Variants in SGCD observed in about 807,000 individuals in gnomAD.
SGCD encodes delta-sarcoglycan.
A neutral mutation model predicts 36.6 loss-of-function variants in SGCD; 18 were observed. The ratio of observed to expected loss-of-function variants is 0.49; its 90% CI spans 0.34 to 0.73. The LOEUF (loss-of-function observed/expected upper bound fraction) is 0.73. SGCD is among the 30% of genes least tolerant of loss of function. The pLI, the probability that SGCD is intolerant of heterozygous loss-of-function variation, is 0.01. For missense variants in SGCD, 387 were observed against 346.7 expected, an observed-to-expected ratio of 1.12 and a Z score of -0.92; for synonymous variants, 133 against 130.6, an observed-to-expected ratio of 1.02 and a Z score of -0.12.
chr5:155,863,689 A>G, the SGCD span, among the ~76,000 whole-genome samples: 20 of 151,468 alleles, frequency 1.3e-4, no homozygotes, highest in South Asian at 3.8e-3. Flanking sequence ...TGTACTCTCC[A>G]TGGGAGATTT....
intron 1 of SGCD, among the ~76,000 whole-genome samples, chr5:156,010,561 C>A (rs1022113179): frequency 2.6e-5 from 4 of 152,130 alleles, no homozygotes; most frequent in African/African-American, 9.7e-5. Context: ...ATTACAGTAT[C>A]TAGTCGACTG....
At chr5:155,736,863 A>G in the SGCD span, among the ~76,000 whole-genome samples, 1 of 152,212 alleles carries the variant, frequency 6.6e-6, no homozygotes, top group Non-Finnish European at 1.5e-5. Context: ...CACCACAGAG[A>G]TGACAAAAAT....
chr5:156,667,419 C>G (rs982722962), intron 7 of SGCD, among the ~76,000 whole-genome samples: 1 of 152,134 alleles, frequency 6.6e-6, no homozygotes, highest in Non-Finnish European at 1.5e-5. Flanking sequence ...TTCCTCTCTA[C>G]TTCTCTCCCT....
At chr5:156,139,227 T>C (rs1762521746) in intron 3 of SGCD, among the ~76,000 whole-genome samples, 1 of 152,222 alleles carries the variant, frequency 6.6e-6, no homozygotes, top group Non-Finnish European at 1.5e-5. Flanking sequence ...TTCTGCTTTT[T>C]TTGTTCTACC....
chr5:156,114,264 A>G (rs1761858179), intron 1 of SGCD, among the ~76,000 whole-genome samples: 1 of 152,106 alleles, frequency 6.6e-6, no homozygotes, highest in Admixed American at 6.6e-5. Flanking sequence ...AGGGATATAT[A>G]TGCAAGCTTT....
At chr5:155,884,177 G>C (rs1755953675) in intron 1 of SGCD, among the ~76,000 whole-genome samples, 1 of 152,102 alleles carries the variant, frequency 6.6e-6, no homozygotes, top group South Asian at 2.1e-4. Context: ...ATCCTTTACC[G>C]AGGTGATTCA....
chr5:155,943,015 G>GAAAAGTGTCTTGC (rs1460948057), intron 1 of SGCD, among the ~76,000 whole-genome samples: 1 of 152,190 alleles, frequency 6.6e-6, no homozygotes, highest in Non-Finnish European at 1.5e-5. Flanking sequence ...GTGAAGGACA[G>GAAAAGTGTCTTGC]AAAAGTGTCT....
chr5:156,418,153 A>G (rs1773139032), intron 3 of SGCD, among the ~76,000 whole-genome samples: 1 of 152,212 alleles, frequency 6.6e-6, no homozygotes. Flanking sequence ...GCAGTTATCC[A>G]GATGATCCTG....
At chr5:156,354,700 C>T (rs2127725359) in intron 3 of SGCD, among the ~76,000 whole-genome samples, 1 of 152,314 alleles carries the variant, frequency 6.6e-6, no homozygotes. Flanking sequence ...TTGCTGTGAG[C>T]TCTGAATAAC....
At chr5:156,476,815 A>C (rs1053131403) in intron 3 of SGCD, among the ~76,000 whole-genome samples, 1 of 152,174 alleles carries the variant, frequency 6.6e-6, no homozygotes, top group Non-Finnish European at 1.5e-5. Flanking sequence ...CTGATAGGTA[A>C]ACTAAATCCT....
At chr5:155,892,979 G>A (rs1239835845) in intron 1 of SGCD, among the ~76,000 whole-genome samples, 2 of 152,200 alleles carry the variant, frequency 1.3e-5, no homozygotes, top group Non-Finnish European at 2.9e-5. Context: ...TTGGGAGGAA[G>A]AGGGTGAGGA....
intron 1 of SGCD, among the ~76,000 whole-genome samples, chr5:155,896,089 T>C (rs1260697701): frequency 6.6e-6 from 1 of 152,222 alleles, no homozygotes; most frequent in Non-Finnish European, 1.5e-5. Context: ...TATGAAATAT[T>C]AATAGAAATT....
chr5:155,943,481 A>G (rs910360429), intron 1 of SGCD, among the ~76,000 whole-genome samples: 2 of 152,178 alleles, frequency 1.3e-5, no homozygotes, highest in Non-Finnish European at 2.9e-5. Flanking sequence ...TGCTTGATCT[A>G]GGAGAGACAT....
the SGCD span, among the ~76,000 whole-genome samples, chr5:155,837,117 T>C: frequency 6.6e-6 from 1 of 152,202 alleles, no homozygotes; most frequent in Admixed American, 6.5e-5. Flanking sequence ...AGTGAACATA[T>C]GTTAATGGCT....
At chr5:156,078,579 TTA>T (rs35525705) in intron 1 of SGCD, among the ~76,000 whole-genome samples, 2 of 136,702 alleles carry the variant, frequency 1.5e-5, no homozygotes, top group Non-Finnish European at 3.0e-5. Context: ...ATATTTATAT[TTA>T]TATATATTTA....
At chr5:156,389,507 T>G (rs1159331707) in intron 3 of SGCD, among the ~76,000 whole-genome samples, 2 of 152,160 alleles carry the variant, frequency 1.3e-5, no homozygotes, top group Non-Finnish European at 2.9e-5. Flanking sequence ...TCCCCAGCCT[T>G]TTTGGCACCA....
In SGCD at chr5:156,185,370, ATG is replaced by A. The variant is rs750364425; in HGVS notation, c.-44+61352_-44+61353del. Among the ~76,000 whole-genome samples the A allele has an allele frequency of 8.8e-3, 1,329 of 151,648 alleles. 9 individuals are homozygous for A. Among genetic ancestry groups the A allele is most frequent in the Non-Finnish European group, 0.015 (984 of 67,836 alleles). Reference sequence around the variant, plus strand: ...GCTGGGACTACAGGCGCCCGCCACCATGCCCGGCAAATTTTTTGTATTTTTAG... The same window carrying A: ...GCTGGGACTACAGGCGCCCGCCACCACCCGGCAAATTTTTTGTATTTTTAG... On this transcript the variant is annotated intron_variant, in intron 3 of 9. Coordinates refer to the SGCD transcript ENST00000517913.
chr5:156,725,254 A>C (rs923571006), intron 7 of SGCD, among the ~76,000 whole-genome samples: 1 of 152,208 alleles, frequency 6.6e-6, no homozygotes, highest in Non-Finnish European at 1.5e-5. Flanking sequence ...TCAGGGGAGA[A>C]CCATGCTTGA....
At chr5:156,495,050 C>T (rs925733842) in intron 3 of SGCD, among the ~76,000 whole-genome samples, 1 of 152,168 alleles carries the variant, frequency 6.6e-6, no homozygotes, top group East Asian at 1.9e-4. Flanking sequence ...TGTCTTTTTT[C>T]ACTGAGCAAT....
Sources: allele counts gnomAD v4.1 joint callset (sites outside exome capture counted in the v4.1 genomes callset), GRCh38; gene constraint gnomAD v4.1.1; transcripts MANE v1.5; gene names NCBI Gene and HGNC (gene_info 2026-07-23, HGNC 2026-07-21).